PI15: variants seen among roughly 807,000 people sequenced by gnomAD.
The protein encoded by PI15 is 25 kDa trypsin inhibitor.
PI15 carries 18 observed loss-of-function variants against 31.0 expected under a neutral mutation model. The observed-to-expected ratio is 0.58, with a 90% CI of 0.40 to 0.86. The LOEUF is 0.86. Among genes scored for constraint, PI15 ranks in the 40% least tolerant of loss-of-function variants. The pLI, the probability that PI15 is intolerant of heterozygous loss-of-function variation, is 0.00. For missense variants in PI15, 282 were observed against 328.1 expected (o/e 0.86, Z 1.09); for synonymous variants, 118 against 119.1 (o/e 0.99, Z 0.06).
intron 2 of PI15, among the ~76,000 whole-genome samples, chr8:74,832,594 T>A (rs941492508): frequency 6.6e-6 from 1 of 152,100 alleles, no homozygotes; most frequent in African/African-American, 2.4e-5. Flanking sequence ...AGCTGTGAAC[T>A]TGAGGTATTT....
chr8:74,834,506 C>G (rs906121215), intron 2 of PI15, among the ~76,000 whole-genome samples: 5 of 152,182 alleles, frequency 3.3e-5, no homozygotes, highest in Non-Finnish European at 5.9e-5. Context: ...TCTACACACA[C>G]AATCCTTCCC....
chr8:74,841,101 C>T (rs183178614), intron 2 of PI15, among the ~76,000 whole-genome samples: 1 of 151,884 alleles, frequency 6.6e-6, no homozygotes. Flanking sequence ...TTGTTAAATG[C>T]CTTAATTTTT....
intron 1 of PI15, 60 bp from the exon 2 acceptor site, chr8:74,825,150 T>G: frequency 2.2e-6 from 2 of 926,272 alleles, no homozygotes; most frequent in Non-Finnish European, 3.3e-6. Flanking sequence ...TCTTTGTAAA[T>G]TCATACCCTC....
chr8:74,848,714 A>AATATATAT (rs148483473), intron 5 of PI15, among the ~76,000 whole-genome samples: 1 of 142,792 alleles, frequency 7.0e-6, no homozygotes, highest in African/African-American at 2.6e-5. Context: ...AATATATATA[A>AATATATAT]ATATATATAT....
chr8:74,843,314 A>G (rs1810970889), intron 2 of PI15, among the ~76,000 whole-genome samples: 1 of 152,222 alleles, frequency 6.6e-6, no homozygotes, highest in Non-Finnish European at 1.5e-5. Context: ...TTGGATCTAG[A>G]TGACACTGAA....
At chr8:74,828,152 C>T (rs11784963) in intron 2 of PI15, among the ~76,000 whole-genome samples, 65,636 of 151,872 alleles carry the variant, frequency 0.43, 15,021 homozygotes, top group African/African-American at 0.56. Flanking sequence ...ATAAGTTACA[C>T]AGGATGTAAG....
intron 2 of PI15, among the ~76,000 whole-genome samples, chr8:74,839,066 C>T (rs1336873123): frequency 1.3e-5 from 2 of 152,206 alleles, no homozygotes; most frequent in Non-Finnish European, 2.9e-5. Context: ...GTATTCAGCT[C>T]AAGTTCTAAA....
chr8:74,833,328 CAG>C (rs1810815065), intron 2 of PI15, among the ~76,000 whole-genome samples: 1 of 152,050 alleles, frequency 6.6e-6, no homozygotes, highest in South Asian at 2.1e-4. Context: ...GAGGGATCTA[CAG>C]AGATGAATTA....
At chr8:74,844,996 T>C in intron 3 of PI15, 132 bp from the exon 4 acceptor site, 3 of 739,536 alleles carry the variant, frequency 4.1e-6, no homozygotes, top group Non-Finnish European at 4.6e-6. Context: ...GTGATGGTGA[T>C]TGTGAGGGGT....
At chr8:74,836,415 G>C (rs188085506) in intron 2 of PI15, among the ~76,000 whole-genome samples, 12 of 152,176 alleles carry the variant, frequency 7.9e-5, no homozygotes, top group African/African-American at 2.9e-4. Flanking sequence ...GGAAAAGTAC[G>C]CAGTTGAATA....
intron 5 of PI15, among the ~76,000 whole-genome samples, chr8:74,845,699 T>C (rs971978807): frequency 1.3e-5 from 2 of 152,170 alleles, no homozygotes; most frequent in African/African-American, 2.4e-5. Flanking sequence ...TAGTTCAAAA[T>C]TGTAGGCAAA....
Position 74,834,669 on chromosome 8 carries a change from A to G in PI15, c.273+9147A>G, listed in dbSNP as rs575811971. ...TTACTCCACATATGCACGCATGAAC[A>G]GTGACAGTGAGATCATCTTGGGACC... On this transcript the variant is annotated intron_variant, in intron 2 of 5. Coordinates refer to ENST00000260113, the MANE Select transcript of PI15 (RefSeq NM_015886.5). Among the ~76,000 whole-genome samples, 13 of 152,334 alleles carry G rather than the reference A, an allele frequency of 8.5e-5. No homozygotes were observed. The East Asian group carries it at 2.1e-3, about 25-fold the overall frequency.
chr8:74,843,251 T>C (rs779178549), intron 2 of PI15, among the ~76,000 whole-genome samples: 11 of 152,344 alleles, frequency 7.2e-5, no homozygotes, highest in African/African-American at 1.2e-4. Context: ...AAGTTACAAC[T>C]AGTTATGGTG....
chr8:74,844,064 AT>A lies in PI15; in HGVS notation c.362del (p.Leu121TrpfsTer26). ...ACCATGGACCTTCTTACTTACTGAG[AT>A]TTTTGGGCCAAAATCTATCTGTACG... ...WDHGPSYLLRFLGQNLSVRTG... is the reference protein window; with the variant it reads ...WDHGPSYLLRXLGQNLSVRTG... On this transcript the variant is annotated frameshift_variant, in exon 3 of 6. Coordinates refer to ENST00000260113, the MANE Select transcript of PI15 (RefSeq NM_015886.5). LOFTEE classifies it high-confidence loss of function. 1.9e-6 allele frequency: 3 copies of A among 1,592,020 alleles called. No homozygotes were observed. The highest frequency in any genetic ancestry group is 2.6e-6 in the Non-Finnish European group (3 of 1,159,922).
intron 2 of PI15, among the ~76,000 whole-genome samples, chr8:74,829,721 T>G (rs941448173): frequency 1.8e-4 from 28 of 151,988 alleles, no homozygotes; most frequent in African/African-American, 6.0e-4. Context: ...CTGTATAAGA[T>G]TGATGTAATA....
At chr8:74,844,202 T>C (rs931349677) in intron 3 of PI15, 103 bp downstream of exon 3, 1 of 731,182 alleles carries the variant, frequency 1.4e-6, no homozygotes, top group Non-Finnish European at 2.5e-6. Flanking sequence ...CAAATTCTTA[T>C]TGAATGCTCA....
At chr8:74,844,427 CTG>C (rs57644375) in intron 3 of PI15, among the ~76,000 whole-genome samples, 49,807 of 141,412 alleles carry the variant, frequency 0.35, 8,525 homozygotes, top group East Asian at 0.56. Flanking sequence ...TGTGCAGAGG[CTG>C]TGTGTGTGTG....
In PI15 at chr8:74,849,303, G is replaced by GTA. The variant is rs141226749; in HGVS notation, c.*62_*63dup. On this transcript the variant is annotated 3_prime_UTR_variant, in exon 6 of 6. Coordinates refer to ENST00000260113, the MANE Select transcript of PI15 (RefSeq NM_015886.5). Reference sequence around the variant, plus strand: ...TAATGATTTCTGGGAACATGGGCATGTATATATATATATGGAGAGAGAATT... The same window carrying GTA: ...TAATGATTTCTGGGAACATGGGCATGTATATATATATATATGGAGAGAGAATT... 22,509 of 1,279,556 alleles carry GTA rather than the reference G, an allele frequency of 0.018. 104 individuals carry two copies. The highest frequency in any genetic ancestry group is 0.057 in the African/African-American group (3,771 of 66,344). 79.3% of individuals were successfully genotyped at this position (1,279,556 alleles called of 1,614,324 possible).
At chr8:74,838,472 A>G (rs1810900657) in intron 2 of PI15, among the ~76,000 whole-genome samples, 1 of 152,096 alleles carries the variant, frequency 6.6e-6, no homozygotes, top group African/African-American at 2.4e-5. Flanking sequence ...TTACCTGGGT[A>G]TATTTCATGA....
Sources: gnomAD v4.1 joint callset for allele counts (sites outside exome capture counted in the v4.1 genomes callset) on GRCh38, gnomAD v4.1.1 for gene constraint, MANE v1.5 for transcripts, NCBI Gene and HGNC (gene_info 2026-07-23, HGNC 2026-07-21) for gene names.